THRA: variants seen among roughly 807,000 people sequenced by gnomAD.
The protein encoded by THRA is EAR-7.
Under a neutral mutation model 45.0 loss-of-function variants are expected in THRA, and 13 were observed. The observed-to-expected ratio is 0.29, with a 90% CI of 0.19 to 0.46. The LOEUF is 0.46. Among genes scored for constraint, THRA ranks in the 20% least tolerant of loss-of-function variants. The probability of loss-of-function intolerance (pLI) is 1.00; values close to 1 mark genes in which losing one functional copy is unlikely to be tolerated. For missense variants in THRA, 278 were observed against 556.1 expected (o/e 0.50, Z 5.03); for synonymous variants, 195 against 214.0 (o/e 0.91, Z 0.78).
Position 40,086,697 on chromosome 17 carries a change from T to A in THRA, c.577-10T>A. 6.2e-7 allele frequency: 1 copy of A among 1,610,348 alleles called. No homozygotes were observed. Among genetic ancestry groups the A allele is most frequent in the East Asian group, 2.2e-5 (1 of 44,734 alleles). On this transcript the variant is annotated splice_polypyrimidine_tract_variant and intron_variant, in intron 6 of 8. Transcript: ENST00000450525. ...CTGCGGCCCCAGCTGACCCCCGTCT[T>A]TCTCTCTAGCCCGATGACATTGGCC...
At chr17:40,075,762 C>A (rs1273068133) in intron 2 of THRA, among the ~76,000 whole-genome samples, 1 of 152,196 alleles carries the variant, frequency 6.6e-6, no homozygotes. Flanking sequence ...AAGCCGCTAG[C>A]TCAACTGGGG....
Position 40,084,424 on chromosome 17 carries a change from C to T in THRA, c.371-186C>T, listed in dbSNP as rs532437536. The T allele has an allele frequency of 1.3e-3, 811 of 641,362 alleles. 5 individuals are homozygous for T. Among genetic ancestry groups the T allele is most frequent in the South Asian group, 2.2e-3 (120 of 53,870 alleles). The allele number at this position is 641,362 out of a possible 1,614,324, so 39.7% of individuals were successfully genotyped here. A position where few individuals can be genotyped will look rare whatever the true frequency, so the allele number is the denominator to read the frequency against. On this transcript the variant is annotated intron_variant, in intron 5 of 8. Transcript: ENST00000450525. ...CTGGATCAGCCCAAACTGTTGTTGACATGGTCCCGGGGATTAATCATGATC... is the reference window on the plus strand; with the variant it reads ...CTGGATCAGCCCAAACTGTTGTTGATATGGTCCCGGGGATTAATCATGATC...
chr17:40,084,871 T>A (rs961083003), intron 6 of THRA, 56 bp downstream of exon 6: 74 of 1,592,452 alleles, frequency 4.6e-5, no homozygotes, highest in Admixed American at 2.7e-4. Flanking sequence ...GAGAAGAGAG[T>A]GAGCTCGGAG....
rs1986881860 is a variant in THRA at position 40,074,454 on chromosome 17, CG to C, written c.-34del. 1 of 1,612,854 alleles carries C rather than the reference CG, an allele frequency of 6.2e-7. No homozygotes were observed. The highest frequency in any genetic ancestry group is 2.2e-5 in the East Asian group (1 of 44,868). On this transcript the variant is annotated 5_prime_UTR_variant, in exon 2 of 9. Transcript: ENST00000450525. ...CAGTGTGCCCACCCCAGTCTCTTGG[CG>C]TGCTGGAGGGCATCCTGGATGGAAT...
At position 40,089,102 on chromosome 17, in the gene THRA, CTA is replaced by C. The variant is rs1987440667; in HGVS notation, c.983-102_983-101del. On this transcript the variant is annotated intron_variant, in intron 8 of 8. Coordinates refer to ENST00000450525, the MANE Select transcript of THRA (RefSeq NM_199334.5). The surrounding 1 kb of genome is among the most constrained non-coding windows in gnomAD (Gnocchi z 6.1). ...CTCCCCTCCCCCAGCCTCTCTGCCT[CTA>C]TCTCCCCTCTAGTCCTTTCTTCCCA... 8.8e-7 allele frequency: 1 copy of C among 1,137,622 alleles called. No homozygotes were observed. Among genetic ancestry groups the C allele is most frequent in the Non-Finnish European group, 1.3e-6 (1 of 793,312 alleles). The allele number at this position is 1,137,622 out of a possible 1,614,324, so 70.5% of individuals were successfully genotyped here.
downstream of THRA, chr17:40,093,483 T>C: frequency 6.8e-7 from 1 of 1,466,066 alleles, no homozygotes; most frequent in Non-Finnish European, 9.1e-7. The surrounding 1 kb of genome is among the most constrained non-coding windows in gnomAD (Gnocchi z 5.9). Flanking sequence ...GAGCGTGGGC[T>C]CAGCAGGGCT....
chr17:40,083,715 G>T (rs920901777), intron 4 of THRA, 120 bp from the exon 5 acceptor site: 4 of 1,326,644 alleles, frequency 3.0e-6, no homozygotes, highest in Non-Finnish European at 2.0e-6. Flanking sequence ...AGGATGCCAG[G>T]TCCCCTCACT....
chr17:40,088,753 CCTCT>C (rs955418513), intron 8 of THRA, among the ~76,000 whole-genome samples: 63 of 152,044 alleles, frequency 4.1e-4, no homozygotes, highest in African/African-American at 1.5e-3. Context: ...CTGCCCTGTC[CCTCT>C]GTCACTCACA....
At position 40,083,904 on chromosome 17, in the gene THRA, G is replaced by T; in HGVS notation, c.292G>T (p.Val98Phe). 1.2e-6 allele frequency: 2 copies of T among 1,614,026 alleles called. No individual in the cohort carries two copies. The highest frequency in any genetic ancestry group is 2.7e-5 in the African/African-American group (2 of 75,042). Reference sequence around the variant, plus strand: ...TTCCTGCAAATATGACAGCTGCTGTGTCATTGACAAGATCACCCGCAATCA... The same window carrying T: ...TTCCTGCAAATATGACAGCTGCTGTTTCATTGACAAGATCACCCGCAATCA... The part of the protein sequence containing the change: ...TYSCKYDSCC[V>F]IDKITRNQCQ... The change falls in exon 5 of 9, where the codon GTC becomes TTC. Residue 98 changes from valine to phenylalanine, a missense_variant. This residue lies in a region of THRA where 111 missense variants were observed against 167.1 expected (regional missense o/e 0.66). Coordinates refer to ENST00000450525, the MANE Select transcript of THRA (RefSeq NM_199334.5).
At chr17:40,093,448 A>G, downstream of THRA, 1 of 1,526,408 alleles carries the variant, frequency 6.6e-7, no homozygotes, top group Non-Finnish European at 8.8e-7. The surrounding 1 kb of genome is among the most constrained non-coding windows in gnomAD (Gnocchi z 5.9). Flanking sequence ...CTCTGCCCCA[A>G]GAGCAGGAGG....
chr17:40,091,652 C>G lies in THRA; in HGVS notation c.*2196C>G, dbSNP rs75248071. 6.6e-6 allele frequency: 1 copy of G among 151,634 alleles called. No homozygotes were observed. The highest frequency in any genetic ancestry group is 2.1e-4 in the South Asian group (1 of 4,806). The allele number at this position is 151,634 out of a possible 1,614,324, so 9.4% of individuals were successfully genotyped here. On this transcript the variant is annotated 3_prime_UTR_variant, in exon 9 of 9. Transcript: ENST00000450525. ...ACGGCAGAGAAAAGGCCTTGAAGAG[C>G]CTTAGCCTCTTATAGGCACTTGGGA...
rs377283004 is a variant in THRA, at chr17:40,087,382, GACAC to G, written c.723+539_723+542del. ...TACATAGACACACACCTAGCACACA[GACAC>G]ACACACACAGACACACCCAGCACAC... On this transcript the variant is annotated intron_variant, in intron 7 of 8. Coordinates refer to ENST00000450525, the MANE Select transcript of THRA (RefSeq NM_199334.5). Among the ~76,000 whole-genome samples the G allele has an allele frequency of 2.0e-3, 137 of 69,822 alleles. 3 individuals carry two copies. In the East Asian group the frequency reaches 0.044, roughly 22 times the overall value. 45.8% of individuals were successfully genotyped at this position (69,822 alleles called of 152,430 possible).
At chr17:40,084,942 CT>C (rs1438130343) in intron 6 of THRA, 127 bp downstream of exon 6, 2 of 1,015,922 alleles carry the variant, frequency 2.0e-6, no homozygotes, top group South Asian at 3.2e-5. Context: ...ACTCTTCACA[CT>C]TTTGCTGTCC....
intron 1 of THRA, among the ~76,000 whole-genome samples, chr17:40,065,367 G>T (rs982922384): frequency 1.4e-4 from 21 of 152,124 alleles, no homozygotes; most frequent in African/African-American, 5.1e-4. Context: ...AAACTTGGAA[G>T]CTTTCCTTAA....
At chr17:40,065,841 G>T (rs1002798654) in intron 1 of THRA, among the ~76,000 whole-genome samples, 1 of 152,110 alleles carries the variant, frequency 6.6e-6, no homozygotes, top group Non-Finnish European at 1.5e-5. Context: ...CCAGTTCTGT[G>T]GGCACCCTCA....
intron 8 of THRA, 40 bp downstream of exon 8, chr17:40,088,540 G>T (rs750017827): frequency 6.4e-7 from 1 of 1,574,304 alleles, no homozygotes; most frequent in South Asian, 1.2e-5. Flanking sequence ...AAGCTTCCAG[G>T]GGTCCCAGAG....
At chr17:40,072,428 G>A (rs1390523253) in intron 1 of THRA, among the ~76,000 whole-genome samples, 3 of 152,126 alleles carry the variant, frequency 2.0e-5, no homozygotes, top group Admixed American at 6.5e-5. Context: ...TTGGGCCTCC[G>A]GCTGGCGAGT....
At position 40,089,296 on chromosome 17, in the gene THRA, A is replaced by C. The variant is rs764356945; in HGVS notation, c.1073A>C (p.His358Pro). The stretch of plus-strand genomic sequence containing the variant: ...GAGCACTACGTCAACCACCGCAAAC[A>C]CAACATTCCGCACTTCTGGCCCAAG... ...AFEHYVNHRK[H>P]NIPHFWPKLL... Residue 358 changes from histidine (H) to proline (P), a missense_variant, in exon 9 of 9, where the codon CAC becomes CCC. This residue lies in a region of THRA where 66 missense variants were observed against 94.7 expected (regional missense o/e 0.70). Transcript: ENST00000450525. This position sits in a 1 kb window ranked among gnomAD's most constrained non-coding sequence, Gnocchi z 6.1. 6.2e-7 allele frequency: 1 copy of C among 1,614,006 alleles called. No homozygotes were observed. Among genetic ancestry groups the C allele is most frequent in the South Asian group, 1.1e-5 (1 of 91,072 alleles).
chr17:40,087,308 G>C lies in THRA; in HGVS notation c.723+455G>C, dbSNP rs566417157. ...ACATAGACACACACACACAGATACA[G>C]ACACACACACACACACAGACATATA... On this transcript the variant is annotated intron_variant, in intron 7 of 8. Coordinates refer to ENST00000450525, the MANE Select transcript of THRA (RefSeq NM_199334.5). 3.1e-4 allele frequency among the ~76,000 whole-genome samples: 33 copies of C among 105,482 alleles called. No individual in the cohort carries two copies. The Admixed American group carries it at 3.3e-3, about 11-fold the overall frequency. The allele number at this position is 105,482 out of a possible 152,430, so 69.2% of individuals were successfully genotyped here.
Sources: gnomAD v4.1 joint callset for allele counts (sites outside exome capture counted in the v4.1 genomes callset) on GRCh38, gnomAD v4.1.1 for gene constraint, gnomAD v4.1.1 regional missense constraint, Gnocchi (gnomAD v3.1) non-coding constraint, MANE v1.5 for transcripts, NCBI Gene and HGNC (gene_info 2026-07-23, HGNC 2026-07-21) for gene names.